The following TENM4 variants were observed in gnomAD, a reference collection of about 807,000 sequenced individuals.
The protein encoded by TENM4 is teneurin-4.
In TENM4, 82 loss-of-function variants were observed where a neutral mutation model predicts 243.3. The observed-to-expected ratio is 0.34, with a 90% CI of 0.28 to 0.40. TENM4 has a LOEUF of 0.40. TENM4 is among the 10% of genes least tolerant of loss of function. The pLI is 1.00. For missense variants in TENM4, 3,138 were observed against 3,673.3 expected (o/e 0.85, Z 3.77); for synonymous variants, 1,412 against 1,456.3 (o/e 0.97, Z 0.69).
chr11:78,855,830 A>T, intron 11 of TENM4, 134 bp downstream of exon 11: 1 of 822,980 alleles, frequency 1.2e-6, no homozygotes, highest in Non-Finnish European at 1.9e-6. Context: ...GAGAGGGACT[A>T]CATGAATGAA....
intron 6 of TENM4, among the ~76,000 whole-genome samples, chr11:79,000,564 T>C (rs558516922): frequency 1.3e-5 from 2 of 152,212 alleles, no homozygotes; most frequent in South Asian, 2.1e-4. Flanking sequence ...AAATAGATTG[T>C]GACAAATTAA....
intron 2 of TENM4, among the ~76,000 whole-genome samples, chr11:79,270,397 C>T (rs1473155900): frequency 1.3e-5 from 2 of 152,204 alleles, no homozygotes; most frequent in African/African-American, 2.4e-5. Context: ...GAATTATATT[C>T]AAACAAATCT....
At chr11:78,891,194 A>T in intron 8 of TENM4, 44 bp downstream of exon 8, 1 of 1,533,816 alleles carries the variant, frequency 6.5e-7, no homozygotes, top group Non-Finnish European at 8.8e-7. Context: ...TGCAGGAGCC[A>T]CAAGGAGAGC....
intron 1 of TENM4, among the ~76,000 whole-genome samples, chr11:79,397,668 A>G (rs978005620): frequency 6.6e-6 from 1 of 152,236 alleles, no homozygotes; most frequent in Non-Finnish European, 1.5e-5. Flanking sequence ...GTGAGCCAGG[A>G]AGGCAAAAGC....
intron 2 of TENM4, among the ~76,000 whole-genome samples, chr11:79,232,281 C>G (rs1463850162): frequency 6.6e-6 from 1 of 152,106 alleles, no homozygotes; most frequent in Non-Finnish European, 1.5e-5. Flanking sequence ...AGGACTGTTT[C>G]AGATAGTACA....
intron 4 of TENM4, among the ~76,000 whole-genome samples, chr11:79,132,442 CA>C (rs1372626683): frequency 2.0e-5 from 3 of 149,988 alleles, no homozygotes; most frequent in Non-Finnish European, 4.4e-5. Context: ...GTCATCAAGA[CA>C]GAAAGTCAGC....
At chr11:78,888,487 T>C (rs1427960053) in intron 9 of TENM4, among the ~76,000 whole-genome samples, 1 of 152,240 alleles carries the variant, frequency 6.6e-6, no homozygotes, top group African/African-American at 2.4e-5. Flanking sequence ...ACTGTCATCT[T>C]CCTGGTCACT....
intron 3 of TENM4, among the ~76,000 whole-genome samples, chr11:79,205,673 T>C (rs1466073016): frequency 1.3e-5 from 2 of 152,246 alleles, no homozygotes; most frequent in African/African-American, 4.8e-5. Flanking sequence ...CTGAGTAGCA[T>C]TCCATAGCAT....
At chr11:79,008,737 G>T (rs1406279482) in intron 6 of TENM4, among the ~76,000 whole-genome samples, 2 of 151,864 alleles carry the variant, frequency 1.3e-5, no homozygotes, top group South Asian at 4.2e-4. Context: ...ATAAAGCTTT[G>T]GTCCTATTTC....
At chr11:78,733,450 C>T (rs1423880657) in intron 20 of TENM4, among the ~76,000 whole-genome samples, 1 of 152,190 alleles carries the variant, frequency 6.6e-6, no homozygotes, top group Non-Finnish European at 1.5e-5. Flanking sequence ...CTAAGTCCCT[C>T]TTGTTTCAGG....
intron 18 of TENM4, among the ~76,000 whole-genome samples, chr11:78,768,663 C>CA (rs1176566803): frequency 1.3e-5 from 2 of 152,204 alleles, no homozygotes; most frequent in African/African-American, 4.8e-5. Flanking sequence ...TAACATGCTC[C>CA]AAAAATGCAA....
intron 12 of TENM4, among the ~76,000 whole-genome samples, chr11:78,818,918 C>A (rs1857665457): frequency 2.0e-5 from 3 of 151,196 alleles, no homozygotes; most frequent in Admixed American, 6.6e-5. Flanking sequence ...GAAAATGGGG[C>A]CTTTCCCCCA....
chr11:79,321,096 T>A (rs149017367), intron 1 of TENM4, among the ~76,000 whole-genome samples: 15 of 152,352 alleles, frequency 9.8e-5, no homozygotes, highest in African/African-American at 3.4e-4. Flanking sequence ...AGTGTACCAC[T>A]TGCTGGCTGT....
intron 12 of TENM4, among the ~76,000 whole-genome samples, chr11:78,845,385 A>C (rs772269048): frequency 1.2e-4 from 19 of 152,218 alleles, no homozygotes; most frequent in Non-Finnish European, 2.8e-4. Context: ...TGAGGGTAAG[A>C]CTTATCCAAA....
intron 3 of TENM4, among the ~76,000 whole-genome samples, chr11:79,161,999 G>A (rs560175013): frequency 6.6e-6 from 1 of 152,210 alleles, no homozygotes; most frequent in Admixed American, 6.5e-5. Flanking sequence ...GTTGGTGGGT[G>A]TGGGAGAAGG....
intron 1 of TENM4, among the ~76,000 whole-genome samples, chr11:79,313,454 T>C (rs985984981): frequency 2.6e-5 from 4 of 152,196 alleles, no homozygotes; most frequent in African/African-American, 9.6e-5. Context: ...TCATTTCCAA[T>C]GTTTGCTGGT....
chr11:79,130,079 C>A (rs1193622586), intron 4 of TENM4, among the ~76,000 whole-genome samples: 1 of 152,102 alleles, frequency 6.6e-6, no homozygotes, highest in Non-Finnish European at 1.5e-5. Flanking sequence ...CAGACAACTC[C>A]CAGTACCAGC....
At chr11:78,716,508 T>G (rs1859525029) in intron 25 of TENM4, among the ~76,000 whole-genome samples, 1 of 152,218 alleles carries the variant, frequency 6.6e-6, no homozygotes, top group Non-Finnish European at 1.5e-5. Flanking sequence ...GAATAAGTAC[T>G]CCAGAAAGTT....
At chr11:79,060,909 G>C (rs925228606) in intron 6 of TENM4, among the ~76,000 whole-genome samples, 2 of 152,190 alleles carry the variant, frequency 1.3e-5, no homozygotes, top group African/African-American at 4.8e-5. Flanking sequence ...ACTGAGCCCT[G>C]TTCTGATGGT....
Sources: gnomAD v4.1 joint callset for allele counts (sites outside exome capture counted in the v4.1 genomes callset) on GRCh38, gnomAD v4.1.1 for gene constraint, MANE v1.5 for transcripts, NCBI Gene and HGNC (gene_info 2026-07-23, HGNC 2026-07-21) for gene names.